STAC: variants seen among roughly 807,000 people sequenced by gnomAD.
STAC encodes the protein SH3 and cysteine rich domain, also known as SH3 and cysteine-rich domain-containing protein.
In STAC, 43 loss-of-function variants were observed where a neutral mutation model predicts 48.8. The observed-to-expected ratio is 0.88, with a 90% CI of 0.69 to 1.14. The LOEUF (loss-of-function observed/expected upper bound fraction) is 1.14, where lower values mean the gene tolerates loss of function less well. Ranked by LOEUF, STAC falls within the 50% of genes most tolerant of loss-of-function variation. STAC has a pLI of 0.00. For missense variants in STAC, 497 were observed against 504.0 expected (o/e 0.99, Z 0.13); for synonymous variants, 193 against 179.5 (o/e 1.07, Z -0.60).
intron 1 of STAC, among the ~76,000 whole-genome samples, chr3:36,406,900 T>A (rs1241589956): frequency 6.6e-6 from 1 of 152,212 alleles, no homozygotes; most frequent in Non-Finnish European, 1.5e-5. Flanking sequence ...TTTAGAGGAA[T>A]AATCAATGAA....
chr3:36,395,018 G>GAT (rs1163985949), intron 1 of STAC, among the ~76,000 whole-genome samples: 3 of 102,418 alleles, frequency 2.9e-5, no homozygotes, highest in Admixed American at 2.7e-4. Flanking sequence ...AGAATCAAAA[G>GAT]ATATATAGAT....
In STAC at chr3:36,486,344, C is replaced by G. The variant is rs1014315395; in HGVS notation, c.687+95C>G. ...TATGGGGTATTCCACCTGACTGCCTCATGAGGGCAGGTCTGCAGGGAGTCA... is the reference window on the plus strand; with the variant it reads ...TATGGGGTATTCCACCTGACTGCCTGATGAGGGCAGGTCTGCAGGGAGTCA... On this transcript the variant is annotated intron_variant, in intron 5 of 10. Coordinates refer to ENST00000273183, the MANE Select transcript of STAC (RefSeq NM_003149.3). The G allele has an allele frequency of 3.7e-6, 4 of 1,087,028 alleles. No individual in the cohort carries two copies. In the South Asian group the frequency reaches 6.2e-5, roughly 17 times the overall value. 67.3% of individuals were successfully genotyped at this position (1,087,028 alleles called of 1,614,324 possible).
intron 2 of STAC, among the ~76,000 whole-genome samples, chr3:36,472,371 G>GGAGACA (rs1362735045): frequency 6.6e-6 from 1 of 152,148 alleles, no homozygotes; most frequent in Non-Finnish European, 1.5e-5. Flanking sequence ...GATATGCCCT[G>GGAGACA]GAGACATTTT....
chr3:36,486,636 A>T (rs1256545675), intron 5 of STAC, among the ~76,000 whole-genome samples: 1 of 152,216 alleles, frequency 6.6e-6, no homozygotes, highest in African/African-American at 2.4e-5. Context: ...GCTACATTCC[A>T]GTTCAAAGAC....
At chr3:36,412,660 CAAAG>C (rs1700222740) in intron 1 of STAC, among the ~76,000 whole-genome samples, 1 of 152,126 alleles carries the variant, frequency 6.6e-6, no homozygotes, top group Non-Finnish European at 1.5e-5. Flanking sequence ...CATGAAGAGA[CAAAG>C]GAATCCAATT....
chr3:36,508,859 A>G (rs1039762638), intron 8 of STAC, among the ~76,000 whole-genome samples: 5 of 151,858 alleles, frequency 3.3e-5, no homozygotes, highest in African/African-American at 1.2e-4. Flanking sequence ...ATGGGTCTTG[A>G]CTCTTTATCC....
chr3:36,494,717 G>A (rs188740742), intron 6 of STAC, among the ~76,000 whole-genome samples: 1 of 152,278 alleles, frequency 6.6e-6, no homozygotes, highest in East Asian at 1.9e-4. Context: ...ATCACATGAG[G>A]GAAACTGTAC....
intron 5 of STAC, among the ~76,000 whole-genome samples, chr3:36,486,506 A>G (rs963082270): frequency 6.6e-6 from 1 of 151,720 alleles, no homozygotes; most frequent in African/African-American, 2.4e-5. Context: ...CTTCCCATGG[A>G]CCCCCTCTCC....
chr3:36,528,482 AG>A (rs1045136165), intron 8 of STAC, among the ~76,000 whole-genome samples: 1 of 151,616 alleles, frequency 6.6e-6, no homozygotes, highest in African/African-American at 2.4e-5. Context: ...AAAAAAAAAA[AG>A]AGTTATTTTT....
At chr3:36,493,058 A>G in intron 5 of STAC, 93 bp from the exon 6 acceptor site, 2 of 1,241,710 alleles carry the variant, frequency 1.6e-6, no homozygotes, top group Non-Finnish European at 2.3e-6. Flanking sequence ...GTGTCATGCA[A>G]ATTCTACCTA....
At chr3:36,397,074 T>A (rs1699870944) in intron 1 of STAC, among the ~76,000 whole-genome samples, 1 of 152,234 alleles carries the variant, frequency 6.6e-6, no homozygotes, top group African/African-American at 2.4e-5. Context: ...ATCAGAAAAG[T>A]AAACACGGTT....
chr3:36,544,403 C>G (rs1699397452), intron 10 of STAC, among the ~76,000 whole-genome samples: 1 of 152,178 alleles, frequency 6.6e-6, no homozygotes, highest in African/African-American at 2.4e-5. Flanking sequence ...CTCCTGACCC[C>G]AAGTGATCCA....
intron 2 of STAC, among the ~76,000 whole-genome samples, chr3:36,475,348 G>A (rs1466958435): frequency 6.6e-6 from 1 of 151,954 alleles, no homozygotes; most frequent in Non-Finnish European, 1.5e-5. Flanking sequence ...TTTCAATAAT[G>A]GCACTAAGGA....
At chr3:36,492,578 ATTG>A (rs1698020830) in intron 5 of STAC, among the ~76,000 whole-genome samples, 1 of 152,180 alleles carries the variant, frequency 6.6e-6, no homozygotes, top group Non-Finnish European at 1.5e-5. Context: ...AGAGTGTGTT[ATTG>A]TTATTATTGT....
intron 10 of STAC, among the ~76,000 whole-genome samples, chr3:36,538,566 C>T (rs1699252065): frequency 1.3e-5 from 2 of 152,168 alleles, no homozygotes; most frequent in South Asian, 4.2e-4. Flanking sequence ...GTGTACAATT[C>T]TTGATGCATA....
chr3:36,494,168 A>AAAAAAAG (rs1698073690), intron 6 of STAC, among the ~76,000 whole-genome samples: 1 of 151,346 alleles, frequency 6.6e-6, no homozygotes, highest in Non-Finnish European at 1.5e-5. Context: ...AAAAAAAAAA[A>AAAAAAAG]AAAAAAGAAA....
intron 1 of STAC, among the ~76,000 whole-genome samples, chr3:36,386,239 G>C (rs551330255): frequency 1.3e-5 from 2 of 151,880 alleles, no homozygotes; most frequent in Non-Finnish European, 2.9e-5. Context: ...AAGCTTAGCA[G>C]TTTTTACATG....
chr3:36,447,999 T>G (rs1244772114), intron 2 of STAC, among the ~76,000 whole-genome samples: 1 of 152,164 alleles, frequency 6.6e-6, no homozygotes, highest in Admixed American at 6.5e-5. Flanking sequence ...GTTTGCCCAG[T>G]GCAATTATTA....
intron 1 of STAC, among the ~76,000 whole-genome samples, chr3:36,410,369 A>C (rs1276455008): frequency 1.3e-5 from 2 of 152,178 alleles, no homozygotes; most frequent in Non-Finnish European, 2.9e-5. Context: ...TTGGGTTGAT[A>C]CTGTGCCTAG....
Sources: gnomAD v4.1 joint callset for allele counts (sites outside exome capture counted in the v4.1 genomes callset) on GRCh38, gnomAD v4.1.1 for gene constraint, MANE v1.5 for transcripts, NCBI Gene and HGNC (gene_info 2026-07-23, HGNC 2026-07-21) for gene names.